NPAS4: variants seen among roughly 807,000 people sequenced by gnomAD.
NPAS4 encodes the protein neuronal PAS domain-containing protein 4.
NPAS4 carries 10 observed loss-of-function variants against 64.0 expected under a neutral mutation model. The observed-to-expected ratio is 0.16, with a 90% CI of 0.10 to 0.26. The LOEUF (loss-of-function observed/expected upper bound fraction) is 0.26, where lower values mean the gene tolerates loss of function less well. Among genes scored for constraint, NPAS4 ranks in the 10% least tolerant of loss-of-function variants. NPAS4 has a pLI of 1.00. For synonymous variants in NPAS4, 441 were observed against 411.7 expected, an observed-to-expected ratio of 1.07 and a Z score of -0.86; for missense variants, 886 against 992.6, an observed-to-expected ratio of 0.89 and a Z score of 1.44.
Position 66,421,221 on chromosome 11 carries a change from C to T in NPAS4, c.42C>T (p.Asp14=). Reference sequence around the variant, plus strand: ...AGGGCGCCTCCAAGGCGCGCCGGGACCAGATCAACGCCGAGATCCGGAACC... The same window carrying T: ...AGGGCGCCTCCAAGGCGCGCCGGGATCAGATCAACGCCGAGATCCGGAACC... ...STKGASKARR[D]QINAEIRNLK... Residue 14 remains aspartate (D), a synonymous_variant, in exon 1 of 8, where the codon GAC becomes GAT. Transcript: ENST00000311034. 6.2e-7 allele frequency: 1 copy of T among 1,613,468 alleles called. No homozygotes were observed.
Position 66,424,457 on chromosome 11 carries a change from CTGGGCA to C in NPAS4, c.1568_1573del (p.Leu523_Ser525delinsArg). The C allele has an allele frequency of 6.2e-7, 1 of 1,614,142 alleles. No individual in the cohort carries two copies. ...CAGCACAGCCACCTTCCCAGAGCCT[CTGGGCA>C]GCCCTGCCCATGAACAGCTGACTCC... On this transcript the variant is annotated inframe_deletion, in exon 7 of 8. Transcript: ENST00000311034.
chr11:66,421,701 G>GA (rs1237638545), intron 1 of NPAS4, among the ~76,000 whole-genome samples: 2 of 152,258 alleles, frequency 1.3e-5, no homozygotes, highest in East Asian at 1.9e-4. Flanking sequence ...GAGCCTAGGG[G>GA]AACATAGCTA....
the NPAS4 span, among the ~76,000 whole-genome samples, chr11:66,413,564 C>CT: frequency 6.6e-6 from 1 of 152,226 alleles, no homozygotes; most frequent in Non-Finnish European, 1.5e-5. Context: ...AGAGGCTGCC[C>CT]TCTCTCCACT....
the NPAS4 span, among the ~76,000 whole-genome samples, chr11:66,414,158 C>T: frequency 6.6e-6 from 1 of 152,044 alleles, no homozygotes; most frequent in Non-Finnish European, 1.5e-5. Context: ...GAGGGGGTCC[C>T]CGGACCTCAC....
rs1390795704 is a variant in NPAS4 at position 66,422,505 on chromosome 11, C to T, written c.382C>T (p.His128Tyr). The change falls in exon 3 of 8, where the codon CAC becomes TAC. Residue 128 changes from histidine to tyrosine, a missense_variant. By Grantham distance (83) the His-to-Tyr change is moderately conservative. Around this residue, in one of 3 missense-constraint regions of NPAS4, gnomAD observed 820 missense variants for 855.5 expected, o/e 0.96. Transcript: ENST00000311034. ...SIYDIIDPAD[H>Y]LTVRQQLTLP... Reference sequence around the variant, plus strand: ...CTACGACATCATTGACCCAGCTGACCACCTCACTGTGCGCCAGCAACTCAC... The same window carrying T: ...CTACGACATCATTGACCCAGCTGACTACCTCACTGTGCGCCAGCAACTCAC... 6.2e-7 allele frequency: 1 copy of T among 1,614,024 alleles called. No homozygotes were observed.
Position 66,424,061 on chromosome 11 carries a change from C to T in NPAS4, c.1171C>T (p.Pro391Ser). Residue 391 changes from proline (P) to serine (S), a missense_variant, in exon 7 of 8, where the codon CCC (proline) becomes TCC (serine). Transcript: ENST00000311034. ...LSVVSASEEL[P>S]RPSKELDFSY... The stretch of plus-strand genomic sequence containing the variant: ...TGTTGTCTCTGCATCAGAAGAGCTT[C>T]CCCGACCCTCCAAAGAACTGGACTT... 1.2e-6 allele frequency: 2 copies of T among 1,614,090 alleles called. No homozygotes were observed. The highest frequency in any genetic ancestry group is 2.2e-5 in the South Asian group (2 of 91,088).
chr11:66,414,042 G>A, the NPAS4 span, among the ~76,000 whole-genome samples: 1 of 152,210 alleles, frequency 6.6e-6, no homozygotes, highest in African/African-American at 2.4e-5. Context: ...CTGGGAACAT[G>A]AAGACCAGTT....
rs1017474556 is a variant in NPAS4, at chr11:66,426,134, G to C, written c.*145G>C. 4.3e-6 allele frequency: 2 copies of C among 464,840 alleles called. No homozygotes were observed. The highest frequency in any genetic ancestry group is 4.7e-5 in the East Asian group (1 of 21,364). 28.8% of individuals were successfully genotyped at this position (464,840 alleles called of 1,614,324 possible). On this transcript the variant is annotated 3_prime_UTR_variant, in exon 8 of 8. Coordinates refer to ENST00000311034, the MANE Select transcript of NPAS4 (RefSeq NM_178864.4). Reference sequence around the variant, plus strand: ...CCCCAGGCCCTGCAGGATTTTGGGGGGGGGGAGGTGGGAGGGCAAGGGAGG... The same window carrying C: ...CCCCAGGCCCTGCAGGATTTTGGGGCGGGGGAGGTGGGAGGGCAAGGGAGG...
At chr11:66,422,997 C>T in intron 4 of NPAS4, 56 bp downstream of exon 4, 1 of 1,580,066 alleles carries the variant, frequency 6.3e-7, no homozygotes, top group Non-Finnish European at 8.6e-7. Context: ...TGAAGGGACC[C>T]TAGATTCTGG....
rs758939911 is a variant in NPAS4, at chr11:66,423,831, C to T, written c.945-4C>T. 1.0e-5 allele frequency: 16 copies of T among 1,606,554 alleles called. No homozygotes were observed. Among genetic ancestry groups the T allele is most frequent in the Non-Finnish European group, 1.4e-5 (16 of 1,175,758 alleles). ...TTACCAGCTGCCTCTTCTCTCCTCTCCAGTGACATGGAAGCCTGGAGCCTC... is the reference window on the plus strand; with the variant it reads ...TTACCAGCTGCCTCTTCTCTCCTCTTCAGTGACATGGAAGCCTGGAGCCTC... On this transcript the variant is annotated splice_polypyrimidine_tract_variant and splice_region_variant and intron_variant, in intron 6 of 7. Coordinates refer to ENST00000311034, the MANE Select transcript of NPAS4 (RefSeq NM_178864.4).
upstream of NPAS4, among the ~76,000 whole-genome samples, chr11:66,419,368 C>T (rs1459760100): frequency 6.6e-6 from 1 of 152,130 alleles, no homozygotes; most frequent in Non-Finnish European, 1.5e-5. Flanking sequence ...GCCTCTCCTC[C>T]CACTCTACCT....
intron 1 of NPAS4, 65 bp from the exon 2 acceptor site, chr11:66,422,055 C>A: frequency 2.1e-6 from 3 of 1,416,622 alleles, no homozygotes; most frequent in East Asian, 4.6e-5. Context: ...TCAGACCATG[C>A]CTTCCTCACT....
rs1201798566 is a variant in NPAS4, at chr11:66,424,138, A to T, written c.1248A>T (p.Leu416=). ...SGPEPSLQAE[L]SKDLVCTPPY... is the part of the protein sequence containing the mutation. ...CTGAGCCTTCTCTCCAAGCAGAACTAAGCAAGGATCTTGTGTGCACTCCAC... is the reference window on the plus strand; with the variant it reads ...CTGAGCCTTCTCTCCAAGCAGAACTTAGCAAGGATCTTGTGTGCACTCCAC... Residue 416 remains leucine, a synonymous_variant, in exon 7 of 8, where the codon CTA becomes CTT. Transcript: ENST00000311034. The T allele has an allele frequency of 4.3e-6, 7 of 1,613,922 alleles. No homozygotes were observed. The African/African-American group carries it at 8.0e-5, about 18-fold the overall frequency.
In NPAS4 at chr11:66,425,017, C is replaced by T. The variant is rs775151559; in HGVS notation, c.2127C>T (p.Pro709=). The part of the protein sequence containing the change: ...DPDNMFLEET[P]VEDIFMDLST... Reference sequence around the variant, plus strand: ...ATAACATGTTCCTGGAAGAGACGCCCGTGGAAGACATCTTCATGGATCTCT... The same window carrying T: ...ATAACATGTTCCTGGAAGAGACGCCTGTGGAAGACATCTTCATGGATCTCT... Residue 709 remains proline (P), a synonymous_variant, in exon 7 of 8, where the codon CCC becomes CCT. Transcript: ENST00000311034. The T allele has an allele frequency of 1.6e-5, 26 of 1,613,704 alleles. No individual in the cohort carries two copies. The highest frequency in any genetic ancestry group is 6.7e-5 in the East Asian group (3 of 44,868).
At chr11:66,411,912 G>A in the NPAS4 span, among the ~76,000 whole-genome samples, 1 of 152,226 alleles carries the variant, frequency 6.6e-6, no homozygotes, top group South Asian at 2.1e-4. Context: ...CAGGGCCTGT[G>A]AGAGTAATGA....
At chr11:66,413,137 A>G in the NPAS4 span, among the ~76,000 whole-genome samples, 8 of 152,252 alleles carry the variant, frequency 5.3e-5, no homozygotes, top group Non-Finnish European at 1.2e-4. Context: ...CCAAGTGCCA[A>G]CAGAGGCCTG....
chr11:66,426,143 TGGG>T lies in NPAS4; in HGVS notation c.*155_*157del. The T allele has an allele frequency of 3.0e-6, 1 of 336,760 alleles. No homozygotes were observed. Among genetic ancestry groups the T allele is most frequent in the Middle Eastern group, 1.1e-3 (1 of 906 alleles). The allele number at this position is 336,760 out of a possible 1,614,324, so 20.9% of individuals were successfully genotyped here. On this transcript the variant is annotated 3_prime_UTR_variant, in exon 8 of 8. Coordinates refer to ENST00000311034, the MANE Select transcript of NPAS4 (RefSeq NM_178864.4). The stretch of plus-strand genomic sequence containing the variant: ...CTGCAGGATTTTGGGGGGGGGGAGG[TGGG>T]AGGGCAAGGGAGGGGAGCTTCTTTT...
At chr11:66,421,978 C>G in intron 1 of NPAS4, 142 bp from the exon 2 acceptor site, 1 of 697,522 alleles carries the variant, frequency 1.4e-6, no homozygotes, top group Non-Finnish European at 2.4e-6. Flanking sequence ...CCAAGAGCTG[C>G]GGGCAGCGGG....
chr11:66,424,851 C>T lies in NPAS4; in HGVS notation c.1961C>T (p.Ala654Val). The T allele has an allele frequency of 6.2e-7, 1 of 1,612,730 alleles. No individual in the cohort carries two copies. Among genetic ancestry groups the T allele is most frequent in the South Asian group, 1.1e-5 (1 of 90,898 alleles). ...QGMDRPFSAE[A>V]GTGGLEPLGG... ...ATGGACAGACCCTTCTCAGCTGAGG[C>T]TGGCACTGGCGGACTAGAGCCACTT... Residue 654 changes from alanine (A) to valine (V), a missense_variant, in exon 7 of 8, where the codon GCT becomes GTT. Ala to Val is a moderately conservative substitution (Grantham distance 64). This residue lies in a region of NPAS4 where 820 missense variants were observed against 855.5 expected (regional missense o/e 0.96). Coordinates refer to ENST00000311034, the MANE Select transcript of NPAS4 (RefSeq NM_178864.4).
Sources: gnomAD v4.1 joint callset for allele counts (sites outside exome capture counted in the v4.1 genomes callset) on GRCh38, gnomAD v4.1.1 for gene constraint, gnomAD v4.1.1 regional missense constraint, MANE v1.5 for transcripts, NCBI Gene and HGNC (gene_info 2026-07-23, HGNC 2026-07-21) for gene names.